The following PRKCB variants were observed in gnomAD, a reference collection of about 807,000 sequenced individuals.
PRKCB encodes the protein protein kinase C beta.
PRKCB carries 13 observed loss-of-function variants against 81.5 expected under a neutral mutation model. The observed-to-expected ratio is 0.16, with a 90% CI of 0.10 to 0.25. The LOEUF is 0.25. PRKCB is among the 10% of genes least tolerant of loss of function. The pLI is 1.00. For missense variants in PRKCB, 509 were observed against 875.7 expected (o/e 0.58, Z 5.29); for synonymous variants, 335 against 321.4 (o/e 1.04, Z -0.45).
At chr16:23,952,835 C>T (rs1007176166) in intron 2 of PRKCB, among the ~76,000 whole-genome samples, 5 of 152,112 alleles carry the variant, frequency 3.3e-5, no homozygotes, top group East Asian at 1.9e-4. Flanking sequence ...GCACTGTACA[C>T]GAATCTGGAT....
At chr16:24,201,374 G>A (rs958277972) in intron 16 of PRKCB, among the ~76,000 whole-genome samples, 11 of 152,130 alleles carry the variant, frequency 7.2e-5, no homozygotes, top group African/African-American at 2.4e-4. Flanking sequence ...TATCCCTTAG[G>A]ATTACTTTCC....
At chr16:23,882,493 G>T (rs371465586) in intron 2 of PRKCB, among the ~76,000 whole-genome samples, 3 of 152,304 alleles carry the variant, frequency 2.0e-5, no homozygotes, top group East Asian at 1.9e-4. Context: ...TCAAGGTGAA[G>T]GGATGAGCCT....
chr16:24,180,865 A>G lies in PRKCB; in HGVS notation c.1470A>G (p.Glu490=), dbSNP rs776256139. The G allele has an allele frequency of 6.2e-7, 1 of 1,614,212 alleles. No individual in the cohort carries two copies. The highest frequency in any genetic ancestry group is 1.1e-5 in the South Asian group (1 of 91,080). Residue 490 remains glutamate, a synonymous_variant, in exon 13 of 17, where the codon GAA becomes GAG. Transcript: ENST00000643927. ...IKIADFGMCK[E]NIWDGVTTKT... is the part of the protein sequence containing the mutation. Reference sequence around the variant, plus strand: ...TTGCCGATTTTGGCATGTGTAAGGAAAACATCTGGGATGGGGTGACAACCA... The same window carrying G: ...TTGCCGATTTTGGCATGTGTAAGGAGAACATCTGGGATGGGGTGACAACCA...
At chr16:24,136,589 A>T (rs550615367) in intron 9 of PRKCB, among the ~76,000 whole-genome samples, 1 of 152,260 alleles carries the variant, frequency 6.6e-6, no homozygotes, top group South Asian at 2.1e-4. Context: ...GATGCTTCTC[A>T]AGTCTCCATG....
chr16:24,056,746 G>A (rs531525886), intron 5 of PRKCB, among the ~76,000 whole-genome samples: 4 of 152,294 alleles, frequency 2.6e-5, no homozygotes, highest in African/African-American at 7.2e-5. Context: ...CTTGTACCAT[G>A]ATTGGAAGCT....
chr16:24,183,107 GC>G (rs1291742264), intron 13 of PRKCB, among the ~76,000 whole-genome samples: 1 of 151,934 alleles, frequency 6.6e-6, no homozygotes, highest in African/African-American at 2.4e-5. Context: ...TGATCCGCCC[GC>G]CTCGGCCTCC....
intron 2 of PRKCB, among the ~76,000 whole-genome samples, chr16:23,871,457 C>A (rs1404717252): frequency 6.6e-6 from 1 of 152,120 alleles, no homozygotes; most frequent in Non-Finnish European, 1.5e-5. Context: ...GTCTCTCTTC[C>A]CCAGGATCAT....
At chr16:23,882,837 C>T (rs1171128214) in intron 2 of PRKCB, among the ~76,000 whole-genome samples, 1 of 151,580 alleles carries the variant, frequency 6.6e-6, no homozygotes, top group Admixed American at 6.6e-5. Flanking sequence ...ATCCTCCTAC[C>T]TCAGCCTCCC....
chr16:24,072,204 T>C (rs1244354649), intron 5 of PRKCB, among the ~76,000 whole-genome samples: 1 of 152,138 alleles, frequency 6.6e-6, no homozygotes, highest in Non-Finnish European at 1.5e-5. Context: ...TAAAGCCCCA[T>C]ACTGATTAAG....
intron 9 of PRKCB, among the ~76,000 whole-genome samples, chr16:24,144,512 G>T (rs1966959522): frequency 6.6e-6 from 1 of 152,180 alleles, no homozygotes; most frequent in Non-Finnish European, 1.5e-5. Flanking sequence ...TGTTGGCCAG[G>T]CTGGTCTCGA....
chr16:24,082,083 A>G (rs2141893277), intron 5 of PRKCB, among the ~76,000 whole-genome samples: 1 of 152,318 alleles, frequency 6.6e-6, no homozygotes, highest in South Asian at 2.1e-4. Context: ...ATTAACAACT[A>G]GAAACCAAAA....
intron 3 of PRKCB, among the ~76,000 whole-genome samples, chr16:24,024,674 T>G (rs1262446136): frequency 6.6e-6 from 1 of 152,214 alleles, no homozygotes; most frequent in African/African-American, 2.4e-5. Flanking sequence ...GCCTCAGGAC[T>G]GATTACCTGT....
rs1567415916 is a variant in PRKCB, at chr16:24,215,302, G to T, written c.*486G>T. 1 of 986,258 alleles carries T rather than the reference G, an allele frequency of 1.0e-6. No homozygotes were observed. The highest frequency in any genetic ancestry group is 1.2e-6 in the Non-Finnish European group (1 of 830,208). 61.1% of individuals were successfully genotyped at this position (986,258 alleles called of 1,614,324 possible). A position where few individuals can be genotyped will look rare whatever the true frequency, so the allele number is the denominator to read the frequency against. On this transcript the variant is annotated 3_prime_UTR_variant, in exon 17 of 17. Transcript: ENST00000643927. ...TTCTGGAGGCACCAGACCTTGAAAA[G>T]AACATGCTCAAAATAAAATGTTATC...
At chr16:23,904,586 C>T (rs1963528106) in intron 2 of PRKCB, among the ~76,000 whole-genome samples, 1 of 152,068 alleles carries the variant, frequency 6.6e-6, no homozygotes, top group Admixed American at 6.5e-5. Flanking sequence ...TCGCTTGAAC[C>T]CGGGAAGTGA....
intron 5 of PRKCB, among the ~76,000 whole-genome samples, chr16:24,046,861 TG>T (rs1965772968): frequency 6.6e-6 from 1 of 151,996 alleles, no homozygotes; most frequent in Non-Finnish European, 1.5e-5. Flanking sequence ...AACCACCCAG[TG>T]GGGGCAGTCA....
chr16:23,949,041 G>A (rs987620466), intron 2 of PRKCB, among the ~76,000 whole-genome samples: 11 of 152,212 alleles, frequency 7.2e-5, no homozygotes, highest in East Asian at 1.9e-4. Context: ...AGAGGCAACC[G>A]TTCTAGTGAC....
At chr16:23,978,530 C>T (rs1355368077) in intron 2 of PRKCB, among the ~76,000 whole-genome samples, 1 of 152,164 alleles carries the variant, frequency 6.6e-6, no homozygotes, top group African/African-American at 2.4e-5. Flanking sequence ...TTGTGGACTG[C>T]ATGGGATGGG....
At chr16:24,058,837 A>T (rs1354558906) in intron 5 of PRKCB, among the ~76,000 whole-genome samples, 1 of 152,168 alleles carries the variant, frequency 6.6e-6, no homozygotes, top group African/African-American at 2.4e-5. Context: ...AATTAAAAAG[A>T]AGGATTAAAG....
chr16:24,008,014 A>AAAAC (rs950930462), intron 3 of PRKCB, among the ~76,000 whole-genome samples: 3 of 152,128 alleles, frequency 2.0e-5, no homozygotes, highest in African/African-American at 7.2e-5. Flanking sequence ...TTCAAAAAAA[A>AAAAC]AAAACTAAGA....
Sources: allele counts gnomAD v4.1 joint callset (sites outside exome capture counted in the v4.1 genomes callset), GRCh38; gene constraint gnomAD v4.1.1; transcripts MANE v1.5; gene names NCBI Gene and HGNC (gene_info 2026-07-23, HGNC 2026-07-21).